DOCK3: variants seen among roughly 807,000 people sequenced by gnomAD.
DOCK3 encodes dedicator of cytokinesis protein 3.
In DOCK3, 60 loss-of-function variants were observed where a neutral mutation model predicts 265.6. That is an observed-to-expected ratio of 0.23 (90% confidence interval 0.18 to 0.28). DOCK3 has a LOEUF of 0.28. Among genes scored for constraint, DOCK3 ranks in the 10% least tolerant of loss-of-function variants. The probability of loss-of-function intolerance (pLI) is 1.00; values close to 1 mark genes in which losing one functional copy is unlikely to be tolerated. For synonymous variants in DOCK3, 881 were observed against 938.0 expected, an observed-to-expected ratio of 0.94 and a Z score of 1.11; for missense variants, 1,981 against 2,594.3, an observed-to-expected ratio of 0.76 and a Z score of 5.14.
At position 50,769,052 on chromosome 3, in the gene DOCK3, T is replaced by C. The variant is rs549424049; in HGVS notation, c.38-9623T>C. Among the ~76,000 whole-genome samples, 12 of 145,470 alleles carry C rather than the reference T, an allele frequency of 8.2e-5. No individual in the cohort carries two copies. In the South Asian group the frequency reaches 2.5e-3, roughly 31 times the overall value. ...CCTGTTCATCACATTTATGTCTTCT[T>C]TTGAGAAATCTTTATTAATTGGATT... is the stretch of plus-strand genomic sequence containing the variant. On this transcript the variant is annotated intron_variant, in intron 1 of 52. Coordinates refer to ENST00000266037, the MANE Select transcript of DOCK3 (RefSeq NM_004947.5).
chr3:50,826,119 T>C (rs2044740458), intron 2 of DOCK3, among the ~76,000 whole-genome samples: 1 of 152,124 alleles, frequency 6.6e-6, no homozygotes, highest in African/African-American at 2.4e-5. Context: ...AGTCCAACAT[T>C]TCCTTATAGA....
chr3:50,756,565 C>T (rs530443289), intron 1 of DOCK3, among the ~76,000 whole-genome samples: 1 of 152,100 alleles, frequency 6.6e-6, no homozygotes, highest in East Asian at 1.9e-4. Flanking sequence ...GTTTTTAGTT[C>T]TCTTCAGCAT....
chr3:50,787,449 C>T (rs1363515555), intron 2 of DOCK3: 20 of 422,730 alleles, frequency 4.7e-5, no homozygotes, highest in South Asian at 4.5e-5. Context: ...GCAGGAGAAT[C>T]GCTTGAACCC....
At chr3:50,791,915 A>G (rs562480062) in intron 2 of DOCK3, among the ~76,000 whole-genome samples, 2 of 151,346 alleles carry the variant, frequency 1.3e-5, no homozygotes, top group Admixed American at 1.3e-4. Context: ...TATTCGGGAT[A>G]TTTTTTTATT....
At chr3:51,290,121 G>A (rs1014407374) in intron 27 of DOCK3, among the ~76,000 whole-genome samples, 65 of 152,226 alleles carry the variant, frequency 4.3e-4, no homozygotes, top group Non-Finnish European at 3.1e-4. Flanking sequence ...GTGGAAGACA[G>A]TGTGGCAATT....
intron 1 of DOCK3, among the ~76,000 whole-genome samples, chr3:50,724,700 G>T (rs1012971676): frequency 6.6e-6 from 1 of 152,014 alleles, no homozygotes; most frequent in African/African-American, 2.4e-5. Flanking sequence ...ATGGGGGTCT[G>T]GGGGAGGGAT....
At chr3:51,048,185 TA>T (rs55800035) in intron 5 of DOCK3, among the ~76,000 whole-genome samples, 134,364 of 149,452 alleles carry the variant, frequency 0.9, 60,506 homozygotes, top group African/African-American at 0.95. Context: ...CCTTTCATGA[TA>T]AAAAAAAAAA....
At chr3:51,179,555 G>T (rs1026909123) in intron 12 of DOCK3, among the ~76,000 whole-genome samples, 13 of 152,168 alleles carry the variant, frequency 8.5e-5, no homozygotes, top group Admixed American at 7.2e-4. Flanking sequence ...AGCAGGTATA[G>T]ATAAAAATAG....
At chr3:50,992,328 G>C (rs1200639764) in intron 5 of DOCK3, among the ~76,000 whole-genome samples, 1 of 152,168 alleles carries the variant, frequency 6.6e-6, no homozygotes, top group East Asian at 1.9e-4. Flanking sequence ...GATGGAGTCT[G>C]TCTTTGTCAC....
intron 7 of DOCK3, among the ~76,000 whole-genome samples, chr3:51,084,403 A>G (rs2082349381): frequency 6.6e-6 from 1 of 152,246 alleles, no homozygotes; most frequent in African/African-American, 2.4e-5. Context: ...GAAACCTTCT[A>G]GACCAGGAGA....
At chr3:51,249,378 G>C (rs1198565477) in intron 22 of DOCK3, among the ~76,000 whole-genome samples, 8 of 142,974 alleles carry the variant, frequency 5.6e-5, no homozygotes, top group Middle Eastern at 3.8e-3. Context: ...GGGAGGTGGG[G>C]GGGTTAGCCC....
Position 51,010,504 on chromosome 3 carries a change from T to C in DOCK3, c.316-53944T>C, listed in dbSNP as rs1218274525. Among the ~76,000 whole-genome samples, 3 of 152,198 alleles carry C rather than the reference T, an allele frequency of 2.0e-5. No homozygotes were observed. In the East Asian group the frequency reaches 5.8e-4, roughly 29 times the overall value. ...TTCCTTCATCCCTTTATTTTGAGCCTGTGTGTGTCCCTGCACATGAGATGG... is the reference window on the plus strand; with the variant it reads ...TTCCTTCATCCCTTTATTTTGAGCCCGTGTGTGTCCCTGCACATGAGATGG... On this transcript the variant is annotated intron_variant, in intron 5 of 52. Transcript: ENST00000266037.
chr3:50,953,840 G>T (rs1170075417), intron 5 of DOCK3, among the ~76,000 whole-genome samples: 1 of 151,958 alleles, frequency 6.6e-6, no homozygotes, highest in Non-Finnish European at 1.5e-5. Flanking sequence ...GCTTTCACGT[G>T]CACTCTTCTA....
At chr3:51,325,119 G>A (rs1008992301) in intron 32 of DOCK3, among the ~76,000 whole-genome samples, 6 of 152,042 alleles carry the variant, frequency 3.9e-5, no homozygotes, top group African/African-American at 1.4e-4. Context: ...ACTATCATCA[G>A]AGTGAACAGA....
intron 9 of DOCK3, among the ~76,000 whole-genome samples, chr3:51,143,107 G>A (rs1008931273): frequency 6.6e-6 from 1 of 151,500 alleles, no homozygotes; most frequent in Non-Finnish European, 1.5e-5. Flanking sequence ...GGCTGGTCTC[G>A]AACTCCTGAC....
chr3:50,791,522 C>A (rs1446620029), intron 2 of DOCK3, among the ~76,000 whole-genome samples: 1 of 152,116 alleles, frequency 6.6e-6, no homozygotes, highest in Non-Finnish European at 1.5e-5. Flanking sequence ...GATCCACCCG[C>A]CTCGGCCTCC....
At chr3:50,991,140 A>C (rs1228742111) in intron 5 of DOCK3, among the ~76,000 whole-genome samples, 1 of 152,248 alleles carries the variant, frequency 6.6e-6, no homozygotes, top group Non-Finnish European at 1.5e-5. Flanking sequence ...GACTGCTACT[A>C]GCTAATACAA....
intron 14 of DOCK3, among the ~76,000 whole-genome samples, chr3:51,219,945 T>C (rs978558999): frequency 6.6e-6 from 1 of 152,218 alleles, no homozygotes; most frequent in African/African-American, 2.4e-5. Flanking sequence ...ACTATGCCCA[T>C]ACCTCTCATC....
intron 2 of DOCK3, among the ~76,000 whole-genome samples, chr3:50,794,399 A>G (rs1162275784): frequency 6.6e-6 from 1 of 152,146 alleles, no homozygotes; most frequent in African/African-American, 2.4e-5. Flanking sequence ...AACTTGCTTT[A>G]TGAATCTGGG....
Sources: allele counts gnomAD v4.1 joint callset (sites outside exome capture counted in the v4.1 genomes callset), GRCh38; gene constraint gnomAD v4.1.1; transcripts MANE v1.5; gene names NCBI Gene and HGNC (gene_info 2026-07-23, HGNC 2026-07-21).